The following AXIN1 variants were observed in gnomAD, a reference collection of about 807,000 sequenced individuals.
AXIN1 encodes axin-1.
In AXIN1, 30 loss-of-function variants were observed where a neutral mutation model predicts 76.4. The observed-to-expected ratio is 0.39, with a 90% CI of 0.29 to 0.53. The LOEUF (loss-of-function observed/expected upper bound fraction) is 0.53, where lower values mean the gene tolerates loss of function less well. Among genes scored for constraint, AXIN1 ranks in the 20% least tolerant of loss-of-function variants. AXIN1 has a pLI of 0.66. For synonymous variants in AXIN1, 545 were observed against 501.4 expected, an observed-to-expected ratio of 1.09 and a Z score of -1.16; for missense variants, 1,140 against 1,198.8, an observed-to-expected ratio of 0.95 and a Z score of 0.72.
intron 2 of AXIN1, among the ~76,000 whole-genome samples, chr16:345,621 G>C (rs1046234769): frequency 3.3e-5 from 5 of 152,120 alleles, no homozygotes; most frequent in African/African-American, 1.2e-4. Context: ...GGCTGAGGCA[G>C]GAGAATCGCT....
intron 2 of AXIN1, among the ~76,000 whole-genome samples, chr16:340,655 C>G (rs2053898276): frequency 6.6e-6 from 1 of 152,246 alleles, no homozygotes; most frequent in South Asian, 2.1e-4. Context: ...GTTCCACTGA[C>G]AATGGGAACA....
Position 288,127 on chromosome 16 carries a change from C to G in AXIN1, c.2584G>C (p.Asp862His), listed in dbSNP as rs377696318. The G allele has an allele frequency of 2.6e-5, 42 of 1,613,286 alleles. No individual in the cohort carries two copies. The highest frequency in any genetic ancestry group is 3.5e-5 in the Non-Finnish European group (41 of 1,180,016). The change falls in exon 11 of 11, where the codon GAC becomes CAC. Residue 862 changes from aspartate to histidine, a missense_variant. Transcript: ENST00000262320. ...GCGGCCAGCCCACCAGCCTATCAGTCCACCTTCTCCACTTTGCCGATGATC... is the reference window on the plus strand; with the variant it reads ...GCGGCCAGCCCACCAGCCTATCAGTGCACCTTCTCCACTTTGCCGATGATC... The part of the protein sequence containing the change: ...EKIIGKVEKV[D>H]
At chr16:341,624 T>G (rs1445367302) in intron 2 of AXIN1, among the ~76,000 whole-genome samples, 1 of 151,942 alleles carries the variant, frequency 6.6e-6, no homozygotes, top group Non-Finnish European at 1.5e-5. Flanking sequence ...GGCTGAGGAG[T>G]GCGGGCGCAC....
intron 2 of AXIN1, among the ~76,000 whole-genome samples, chr16:329,675 G>A (rs1189912759): frequency 1.3e-5 from 2 of 151,980 alleles, no homozygotes; most frequent in Non-Finnish European, 2.9e-5. Context: ...GAGTGCTGGA[G>A]TGCAGTGGCG....
At chr16:345,965 C>A (rs1005088055) in intron 2 of AXIN1, among the ~76,000 whole-genome samples, 183 bp downstream of exon 2, 1 of 152,168 alleles carries the variant, frequency 6.6e-6, no homozygotes, top group African/African-American at 2.4e-5. Flanking sequence ...CTCAACATTA[C>A]AAATATAAAA....
chr16:310,057 G>A lies in AXIN1; in HGVS notation c.1032C>T (p.Pro344=), dbSNP rs1222539338. The change falls in exon 4 of 11, where the codon CCC becomes CCT. Residue 344 remains proline (P), a synonymous_variant. Coordinates refer to ENST00000262320, the MANE Select transcript of AXIN1 (RefSeq NM_003502.4). ...SLTDSSVDGI[P]PYRIRKQHRR... is the part of the protein sequence containing the mutation. ...GGTGCTGCTTACGGATCCTGTATGGGGGGATCCCATCCCTGTCCAGGAGAA... is the reference window on the plus strand; with the variant it reads ...GGTGCTGCTTACGGATCCTGTATGGAGGGATCCCATCCCTGTCCAGGAGAA... 1 of 1,611,446 alleles carries A rather than the reference G, an allele frequency of 6.2e-7. No individual in the cohort carries two copies. Among genetic ancestry groups the A allele is most frequent in the Admixed American group, 1.7e-5 (1 of 59,792 alleles).
At chr16:313,463 A>G (rs1273357887) in intron 3 of AXIN1, among the ~76,000 whole-genome samples, 2 of 152,360 alleles carry the variant, frequency 1.3e-5, no homozygotes, top group East Asian at 1.9e-4. Flanking sequence ...GCTAAGCGGG[A>G]AAGACATCTG....
Position 298,069 on chromosome 16 carries a change from C to A in AXIN1, c.1437G>T (p.Leu479=), listed in dbSNP as rs2141513910. Residue 479 remains leucine, a synonymous_variant, in exon 6 of 11, where the codon CTG becomes CTT. Transcript: ENST00000262320. ...SILDEHVQRV[L]RTPGRQSPGP... ...CAGGCGACTGGCGGCCAGGTGTCCT[C>A]AGCACACGCTGTACGTGCTCGTCCA... 2 of 1,568,992 alleles carry A rather than the reference C, an allele frequency of 1.3e-6. No individual in the cohort carries two copies. The highest frequency in any genetic ancestry group is 1.7e-6 in the Non-Finnish European group (2 of 1,162,260).
chr16:326,061 A>G (rs887365354), intron 2 of AXIN1, among the ~76,000 whole-genome samples: 3 of 152,024 alleles, frequency 2.0e-5, no homozygotes, highest in Non-Finnish European at 4.4e-5. Flanking sequence ...TATATACTAT[A>G]TATATAACAA....
intron 4 of AXIN1, among the ~76,000 whole-genome samples, chr16:305,102 G>C (rs576700867): frequency 6.6e-6 from 1 of 152,232 alleles, no homozygotes; most frequent in South Asian, 2.1e-4. Context: ...AGGCCCCCGA[G>C]GCCCCACGGC....
At chr16:328,865 C>CTGAA (rs759676277) in intron 2 of AXIN1, among the ~76,000 whole-genome samples, 1 of 151,834 alleles carries the variant, frequency 6.6e-6, no homozygotes, top group Non-Finnish European at 1.5e-5. Flanking sequence ...CCCCCACAGA[C>CTGAA]TGAAGCTGCT....
chr16:310,115 G>A (rs1483007004), intron 3 of AXIN1, 46 bp from the exon 4 acceptor site: 3 of 1,551,034 alleles, frequency 1.9e-6, no homozygotes, highest in South Asian at 1.2e-5. Flanking sequence ...AGGAGCAGGA[G>A]GGCCAGCACC....
rs1362660148 is a variant in AXIN1, at chr16:346,815, C to T, written c.211G>A (p.Glu71Lys). The T allele has an allele frequency of 2.5e-6, 4 of 1,613,324 alleles. No individual in the cohort carries two copies. Among genetic ancestry groups the T allele is most frequent in the East Asian group, 4.5e-5 (2 of 44,870 alleles). Residue 71 changes from glutamate (E) to lysine (K), a missense_variant, in exon 2 of 11, where the codon GAG (glutamate) becomes AAG (lysine). By Grantham distance (56) the Glu-to-Lys change is moderately conservative. This residue lies in a region of AXIN1 where 708 missense variants were observed against 776.9 expected (regional missense o/e 0.91). Transcript: ENST00000262320. ...PRRSDLDLGY[E>K]PEGSASPTPP... ...GTGGGGGAGGCACTGCCCTCAGGCTCATACCCCAGGTCCAGATCCGAGCGC... is the reference window on the plus strand; with the variant it reads ...GTGGGGGAGGCACTGCCCTCAGGCTTATACCCCAGGTCCAGATCCGAGCGC...
At chr16:315,032 G>T (rs1164148136) in intron 2 of AXIN1, among the ~76,000 whole-genome samples, 1 of 152,206 alleles carries the variant, frequency 6.6e-6, no homozygotes, top group Non-Finnish European at 1.5e-5. Context: ...TGCAGTGCGC[G>T]TCGGGAGAGG....
chr16:296,132 C>G (rs1340792258), intron 7 of AXIN1, among the ~76,000 whole-genome samples: 3 of 152,220 alleles, frequency 2.0e-5, no homozygotes, highest in Admixed American at 1.3e-4. Context: ...GCTGTGCACC[C>G]CTGTTCCCTC....
intron 2 of AXIN1, among the ~76,000 whole-genome samples, chr16:314,956 C>T (rs1016533281): frequency 2.0e-5 from 3 of 152,200 alleles, no homozygotes; most frequent in Admixed American, 6.5e-5. Context: ...AGCATCCACA[C>T]GTGATCATTT....
At chr16:323,151 G>C (rs1444451950) in intron 2 of AXIN1, among the ~76,000 whole-genome samples, 1 of 152,070 alleles carries the variant, frequency 6.6e-6, no homozygotes, top group Non-Finnish European at 1.5e-5. Flanking sequence ...GAAAAGAAAA[G>C]GAAAGAGGCC....
At chr16:349,125 A>AAAATT (rs886701210) in intron 1 of AXIN1, among the ~76,000 whole-genome samples, 3 of 151,076 alleles carry the variant, frequency 2.0e-5, no homozygotes, top group African/African-American at 7.3e-5. Context: ...AAAATAAAAT[A>AAAATT]AAATAAAATT....
chr16:344,429 C>CAAA (rs71139776), intron 2 of AXIN1, among the ~76,000 whole-genome samples: 24,895 of 116,944 alleles, frequency 0.21, 2,804 homozygotes, highest in Middle Eastern at 0.29. Context: ...GACTCCATCT[C>CAAA]AAAAAAAAAA....
Sources: gnomAD v4.1 joint callset for allele counts (sites outside exome capture counted in the v4.1 genomes callset) on GRCh38, gnomAD v4.1.1 for gene constraint, gnomAD v4.1.1 regional missense constraint, MANE v1.5 for transcripts, NCBI Gene and HGNC (gene_info 2026-07-23, HGNC 2026-07-21) for gene names.